PLD5: variants seen among roughly 807,000 people sequenced by gnomAD.
The protein encoded by PLD5 is inactive phospholipase D5.
In PLD5, 36 loss-of-function variants were observed where a neutral mutation model predicts 61.1. The observed-to-expected ratio is 0.59, with a 90% CI of 0.45 to 0.78. PLD5 has a LOEUF of 0.78. Ranked by LOEUF, PLD5 falls within the 30% of genes least tolerant of loss-of-function variation. The pLI is 0.00. For missense variants in PLD5, 515 were observed against 644.4 expected, an observed-to-expected ratio of 0.80 and a Z score of 2.17; for synonymous variants, 243 against 242.8, an observed-to-expected ratio of 1.00 and a Z score of -0.01.
the PLD5 span, among the ~76,000 whole-genome samples, chr1:242,529,937 C>T: frequency 3.3e-5 from 5 of 152,032 alleles, no homozygotes; most frequent in African/African-American, 4.8e-5. Context: ...GGCACAAACT[C>T]GGCGCACCAC....
chr1:242,521,085 A>G (rs1269500377), intron 1 of PLD5, among the ~76,000 whole-genome samples: 13 of 152,210 alleles, frequency 8.5e-5, no homozygotes. Flanking sequence ...TTTTTCCTGA[A>G]ATTTCACAGT....
At chr1:242,419,316 A>T (rs938954043) in intron 1 of PLD5, among the ~76,000 whole-genome samples, 1 of 151,580 alleles carries the variant, frequency 6.6e-6, no homozygotes, top group Non-Finnish European at 1.5e-5. Context: ...TCGTCGCATG[A>T]CTTGTAGTTT....
intron 1 of PLD5, among the ~76,000 whole-genome samples, chr1:242,487,322 T>G (rs1232369478): frequency 6.6e-6 from 1 of 151,934 alleles, no homozygotes; most frequent in East Asian, 1.9e-4. Flanking sequence ...CACATGCAAA[T>G]AAAACTACCA....
Position 242,089,402 on chromosome 1 carries a change from GAC to G in PLD5, c.*450_*451del. On this transcript the variant is annotated 3_prime_UTR_variant, in exon 10 of 10. Coordinates refer to ENST00000536534, the MANE Select transcript of PLD5 (RefSeq NM_001372062.1). Reference sequence around the variant, plus strand: ...CTTAGCTGACTGTGTAGGTCTTGGAGACGATTTACAAGAATAAACACTTGGTT... The same window carrying G: ...CTTAGCTGACTGTGTAGGTCTTGGAGGATTTACAAGAATAAACACTTGGTT... 1 of 410,802 alleles carries G rather than the reference GAC, an allele frequency of 2.4e-6. No homozygotes were observed. Among genetic ancestry groups the G allele is most frequent in the Non-Finnish European group, 4.3e-6 (1 of 233,036 alleles). 25.4% of individuals were successfully genotyped at this position (410,802 alleles called of 1,614,324 possible). A position where few individuals can be genotyped will look rare whatever the true frequency, so the allele number is the denominator to read the frequency against.
chr1:242,521,204 G>A (rs1558166822), intron 1 of PLD5, among the ~76,000 whole-genome samples: 2 of 152,156 alleles, frequency 1.3e-5, no homozygotes, highest in African/African-American at 2.4e-5. Flanking sequence ...CTTAGTAAGT[G>A]TTCATCTTAA....
At chr1:242,322,129 G>A (rs548875648) in intron 2 of PLD5, among the ~76,000 whole-genome samples, 7 of 152,312 alleles carry the variant, frequency 4.6e-5, no homozygotes, top group South Asian at 2.1e-4. Context: ...TGGGGTTGGC[G>A]TGAAAGCTGG....
At chr1:242,158,508 T>C (rs974724358) in intron 5 of PLD5, among the ~76,000 whole-genome samples, 2 of 152,124 alleles carry the variant, frequency 1.3e-5, no homozygotes, top group African/African-American at 4.8e-5. Context: ...CCACAGTATC[T>C]GGGCCAGAGT....
chr1:242,094,292 G>A (rs529657641), intron 9 of PLD5, among the ~76,000 whole-genome samples: 74 of 152,176 alleles, frequency 4.9e-4, no homozygotes, highest in African/African-American at 1.7e-3. Context: ...CCATCCACCC[G>A]CTACCCCCTT....
At chr1:242,347,107 G>A (rs1345566655) in intron 2 of PLD5, among the ~76,000 whole-genome samples, 1 of 152,122 alleles carries the variant, frequency 6.6e-6, no homozygotes, top group Non-Finnish European at 1.5e-5. Flanking sequence ...CCTGTTGCCT[G>A]GTAACTAGAC....
intron 4 of PLD5, chr1:242,235,689 G>A (rs1486197284): frequency 1.3e-5 from 2 of 152,182 alleles, no homozygotes; most frequent in Non-Finnish European, 2.9e-5. Context: ...GCAAGCTGGA[G>A]TAGGAACCTG....
chr1:242,103,249 C>T (rs984264783), intron 8 of PLD5, among the ~76,000 whole-genome samples: 1 of 152,190 alleles, frequency 6.6e-6, no homozygotes, highest in East Asian at 1.9e-4. Context: ...CACCCATGGT[C>T]ACCCTTCCCC....
At chr1:242,387,585 TTTA>T in intron 1 of PLD5, among the ~76,000 whole-genome samples, 1 of 151,484 alleles carries the variant, frequency 6.6e-6, no homozygotes, top group African/African-American at 2.4e-5. Context: ...AAGGGTTCAG[TTTA>T]TTATTCTTTA....
intron 4 of PLD5, among the ~76,000 whole-genome samples, chr1:242,257,073 TATCTATCTATC>T (rs925285779): frequency 4.0e-5 from 6 of 151,234 alleles, no homozygotes; most frequent in African/African-American, 1.5e-4. Context: ...TCTATCTATC[TATCTATCTATC>T]ATTTATCTAT....
At chr1:242,114,315 A>G (rs1258968419) in intron 6 of PLD5, among the ~76,000 whole-genome samples, 2 of 152,228 alleles carry the variant, frequency 1.3e-5, no homozygotes, top group Non-Finnish European at 2.9e-5. Flanking sequence ...ATAATTGTAT[A>G]TATTTATGGG....
intron 1 of PLD5, among the ~76,000 whole-genome samples, chr1:242,441,662 T>C (rs1035182380): frequency 3.3e-5 from 5 of 151,946 alleles, no homozygotes; most frequent in Non-Finnish European, 5.9e-5. Flanking sequence ...GTAACAGTAA[T>C]AGAAAGCTTT....
chr1:242,143,922 A>G (rs1574385976), intron 5 of PLD5, among the ~76,000 whole-genome samples: 1 of 150,708 alleles, frequency 6.6e-6, no homozygotes. Flanking sequence ...GCTCACTACA[A>G]CCTCCCCTGC....
intron 5 of PLD5, among the ~76,000 whole-genome samples, chr1:242,140,137 T>C (rs1664048735): frequency 2.6e-5 from 4 of 152,122 alleles, no homozygotes; most frequent in Admixed American, 2.6e-4. Context: ...TGAGGACCAA[T>C]GTTTGACTCC....
intron 5 of PLD5, among the ~76,000 whole-genome samples, chr1:242,176,926 C>G (rs919039335): frequency 9.9e-5 from 15 of 152,200 alleles, no homozygotes; most frequent in African/African-American, 3.6e-4. Context: ...CAGGAAACAA[C>G]AGATGCTGGA....
At chr1:242,141,762 G>A (rs188644179) in intron 5 of PLD5, among the ~76,000 whole-genome samples, 1 of 152,130 alleles carries the variant, frequency 6.6e-6, no homozygotes, top group Non-Finnish European at 1.5e-5. Context: ...GGAAAGCTAT[G>A]ACTGAGCAAT....
Sources: allele counts gnomAD v4.1 joint callset (sites outside exome capture counted in the v4.1 genomes callset), GRCh38; gene constraint gnomAD v4.1.1; transcripts MANE v1.5; gene names NCBI Gene and HGNC (gene_info 2026-07-23, HGNC 2026-07-21).